TFDP2: variants seen among roughly 807,000 people sequenced by gnomAD.
TFDP2 encodes the protein transcription factor Dp-2 (E2F dimerization partner 2).
In TFDP2, 17 loss-of-function variants were observed where a neutral mutation model predicts 59.3. The observed-to-expected ratio is 0.29, with a 90% CI of 0.20 to 0.43. TFDP2 has a LOEUF of 0.43. Among genes scored for constraint, TFDP2 ranks in the 20% least tolerant of loss-of-function variants. The pLI, the probability that TFDP2 is intolerant of heterozygous loss-of-function variation, is 1.00. For synonymous variants in TFDP2, 180 were observed against 194.7 expected (o/e 0.92, Z 0.63); for missense variants, 391 against 528.8 (o/e 0.74, Z 2.56).
intron 3 of TFDP2, among the ~76,000 whole-genome samples, chr3:142,041,738 T>A (rs1946981828): frequency 6.6e-6 from 1 of 152,230 alleles, no homozygotes; most frequent in Non-Finnish European, 1.5e-5. Context: ...TATCTAAAAA[T>A]CATTGCCAAA....
intron 3 of TFDP2, among the ~76,000 whole-genome samples, chr3:142,077,201 C>T (rs983950918): frequency 6.6e-6 from 1 of 152,216 alleles, no homozygotes; most frequent in South Asian, 2.1e-4. Context: ...GCAATCTCTG[C>T]CACCACAGGC....
intron 3 of TFDP2, among the ~76,000 whole-genome samples, chr3:142,031,797 A>G (rs1362509570): frequency 6.6e-6 from 1 of 152,208 alleles, no homozygotes; most frequent in Non-Finnish European, 1.5e-5. Context: ...AGACACATTT[A>G]TGATTCTATA....
chr3:141,983,988 G>A (rs1413504681), intron 6 of TFDP2, among the ~76,000 whole-genome samples: 1 of 152,104 alleles, frequency 6.6e-6, no homozygotes, highest in Non-Finnish European at 1.5e-5. Context: ...TCTGAAAGCA[G>A]GAACAACAGA....
At chr3:141,978,758 CAAG>C (rs1941092494) in intron 6 of TFDP2, 76 bp from the exon 7 acceptor site, 6 of 1,083,410 alleles carry the variant, frequency 5.5e-6, no homozygotes, top group Non-Finnish European at 7.4e-6. Context: ...TAAGATAATG[CAAG>C]AAGACAGTAA....
At chr3:142,019,302 A>C (rs1016502642) in intron 3 of TFDP2, among the ~76,000 whole-genome samples, 4 of 152,048 alleles carry the variant, frequency 2.6e-5, no homozygotes. Context: ...GACCTCAGGT[A>C]ACCCGCCCGC....
At chr3:141,957,449 C>T (rs1936828070) in intron 11 of TFDP2, among the ~76,000 whole-genome samples, 1 of 152,126 alleles carries the variant, frequency 6.6e-6, no homozygotes, top group African/African-American at 2.4e-5. Context: ...TATGACCCAG[C>T]AATTTCACTC....
intron 3 of TFDP2, among the ~76,000 whole-genome samples, chr3:142,037,433 G>A (rs1946741742): frequency 6.6e-6 from 1 of 152,142 alleles, no homozygotes; most frequent in South Asian, 2.1e-4. Context: ...TATAGATAAG[G>A]TGGTCCAAGA....
intron 3 of TFDP2, among the ~76,000 whole-genome samples, chr3:142,022,520 C>A (rs957942854): frequency 3.3e-5 from 5 of 152,216 alleles, no homozygotes; most frequent in Non-Finnish European, 7.3e-5. Flanking sequence ...AGATGGCACA[C>A]AGACACTGTT....
At chr3:142,041,073 T>C (rs1452406385) in intron 3 of TFDP2, among the ~76,000 whole-genome samples, 1 of 152,204 alleles carries the variant, frequency 6.6e-6, no homozygotes, top group Non-Finnish European at 1.5e-5. Flanking sequence ...CAGCTTACAA[T>C]GAGTTCTGTC....
chr3:142,126,497 T>G (rs1286106979), intron 1 of TFDP2: 1 of 152,152 alleles, frequency 6.6e-6, no homozygotes, highest in Non-Finnish European at 1.5e-5. Flanking sequence ...TCTATAGTTC[T>G]GAAACTGCAA....
chr3:141,986,182 TTATGTAG>T (rs1461338521), intron 6 of TFDP2, among the ~76,000 whole-genome samples: 12 of 152,234 alleles, frequency 7.9e-5, no homozygotes, highest in Non-Finnish European at 1.3e-4. Flanking sequence ...CCTTTTCTTC[TTATGTAG>T]TCCTGTCCCA....
rs1935191904 is a variant in TFDP2 at position 141,945,866 on chromosome 3, T to G, written c.*6647A>C. 1 of 152,226 alleles carries G rather than the reference T, an allele frequency of 6.6e-6. No individual in the cohort carries two copies. Among genetic ancestry groups the G allele is most frequent in the Admixed American group, 6.5e-5 (1 of 15,270 alleles). The allele number at this position is 152,226 out of a possible 1,614,324, so 9.4% of individuals were successfully genotyped here. A position where few individuals can be genotyped will look rare whatever the true frequency, so the allele number is the denominator to read the frequency against. On this transcript the variant is annotated 3_prime_UTR_variant, in exon 13 of 13. Transcript: ENST00000489671. ...TTCGACAGACATGGGCAGCACCAGCTGGTGTGGTGTGGAAGGACCAGTTGG... is the reference window on the plus strand; with the variant it reads ...TTCGACAGACATGGGCAGCACCAGCGGGTGTGGTGTGGAAGGACCAGTTGG...
intron 3 of TFDP2, among the ~76,000 whole-genome samples, chr3:142,024,299 T>C (rs1349603969): frequency 6.6e-6 from 1 of 152,196 alleles, no homozygotes; most frequent in Non-Finnish European, 1.5e-5. Context: ...AAAAATTCAT[T>C]TGAAAATTGG....
chr3:142,143,300 T>C (rs1222478358), intron 1 of TFDP2, among the ~76,000 whole-genome samples: 1 of 152,114 alleles, frequency 6.6e-6, no homozygotes, highest in Non-Finnish European at 1.5e-5. Context: ...GTGAAACTAC[T>C]AGAAGAAAAT....
intron 3 of TFDP2, among the ~76,000 whole-genome samples, chr3:142,025,388 G>A (rs1264106375): frequency 6.6e-6 from 1 of 152,170 alleles, no homozygotes; most frequent in Non-Finnish European, 1.5e-5. Context: ...AACTGATTTT[G>A]GTCTTCATTT....
intron 4 of TFDP2, among the ~76,000 whole-genome samples, chr3:142,000,932 C>T (rs1438879845): frequency 3.9e-5 from 6 of 152,176 alleles, no homozygotes; most frequent in Admixed American, 6.5e-5. Context: ...GGGCCCCCAC[C>T]CCCATGACTT....
At position 141,948,684 on chromosome 3, in the gene TFDP2, GTCACAT is replaced by G. The variant is rs1292483325; in HGVS notation, c.*3823_*3828del. 6.6e-6 allele frequency: 1 copy of G among 152,018 alleles called. No homozygotes were observed. Among genetic ancestry groups the G allele is most frequent in the Admixed American group, 6.6e-5 (1 of 15,254 alleles). 9.4% of individuals were successfully genotyped at this position (152,018 alleles called of 1,614,324 possible). On this transcript the variant is annotated 3_prime_UTR_variant, in exon 13 of 13. Coordinates refer to ENST00000489671, the MANE Select transcript of TFDP2 (RefSeq NM_001178139.2). The stretch of plus-strand genomic sequence containing the variant: ...ACACTGTGTGCTGGAGGGAGCCTAA[GTCACAT>G]TTATACTTGGAGCAACTCTGCTGTC...
chr3:142,083,292 T>G (rs2108588870), intron 3 of TFDP2, among the ~76,000 whole-genome samples: 1 of 152,178 alleles, frequency 6.6e-6, no homozygotes, highest in South Asian at 2.1e-4. Flanking sequence ...ACCTAGGAAT[T>G]AGTCAAAGAA....
At chr3:141,963,657 G>T (rs1305194753) in intron 10 of TFDP2, among the ~76,000 whole-genome samples, 155 bp downstream of exon 10, 2 of 152,188 alleles carry the variant, frequency 1.3e-5, no homozygotes, top group Non-Finnish European at 2.9e-5. Context: ...ACTAGTGGAA[G>T]ATTGCACCCA....
Sources: allele counts gnomAD v4.1 joint callset (sites outside exome capture counted in the v4.1 genomes callset), GRCh38; gene constraint gnomAD v4.1.1; transcripts MANE v1.5; gene names NCBI Gene and HGNC (gene_info 2026-07-23, HGNC 2026-07-21).